AMOT: variants seen among roughly 807,000 people sequenced by gnomAD.
AMOT encodes the protein angiomotin.
Under a neutral mutation model 67.0 loss-of-function variants are expected in AMOT, and 11 were observed. That is an observed-to-expected ratio of 0.16 (90% CI 0.10 to 0.27). The LOEUF is 0.27. Among genes scored for constraint, AMOT ranks in the 10% least tolerant of loss-of-function variants. The probability of loss-of-function intolerance (pLI) is 1.00; values close to 1 mark genes in which losing one functional copy is unlikely to be tolerated. For synonymous variants in AMOT, 326 were observed against 321.4 expected (o/e 1.01, Z -0.15); for missense variants, 753 against 852.0 (o/e 0.88, Z 1.45).
chrX:112,784,662 G>T (rs1454288246), intron 10 of AMOT, among the ~76,000 whole-genome samples: 2 of 112,278 alleles, frequency 1.8e-5, no homozygotes, highest in African/African-American at 6.5e-5. Flanking sequence ...CACATAGGTG[G>T]AAAGATGGAA....
chrX:112,832,341 C>G lies in AMOT; in HGVS notation c.-259G>C, dbSNP rs961483394. 1 of 112,023 alleles carries G rather than the reference C, an allele frequency of 8.9e-6. No homozygotes were observed. The highest frequency in any genetic ancestry group is 2.8e-4 in the East Asian group (1 of 3,573). The allele number at this position is 112,023 out of a possible 1,213,427, so 9.2% of individuals were successfully genotyped here. On this transcript the variant is annotated 5_prime_UTR_variant, in exon 2 of 14. Transcript: ENST00000371959. ...CTAAGGAGACAAAAGCTCTTTCACT[C>G]TGCTATCTTATTTGTCCTTCTTAGC... is the stretch of plus-strand genomic sequence containing the variant.
intron 8 of AMOT, among the ~76,000 whole-genome samples, chrX:112,792,945 G>A (rs1602767767): frequency 9.4e-6 from 1 of 105,861 alleles, no homozygotes; most frequent in Non-Finnish European, 1.9e-5. Context: ...AAAATAATGA[G>A]AAAGATCTCA....
intron 10 of AMOT, among the ~76,000 whole-genome samples, chrX:112,788,274 G>A (rs751577686): frequency 2.9e-5 from 3 of 104,348 alleles, no homozygotes; most frequent in African/African-American, 1.1e-4. Context: ...GGGCAACAGA[G>A]CGAGACTCCT....
At chrX:112,822,085 A>C (rs1569404426) in intron 4 of AMOT, among the ~76,000 whole-genome samples, 170 bp downstream of exon 4, 1 of 112,645 alleles carries the variant, frequency 8.9e-6, no homozygotes, top group Non-Finnish European at 1.9e-5. Flanking sequence ...ATTATGGCTA[A>C]AGAGGATACA....
chrX:112,787,327 G>A (rs1487909192), intron 10 of AMOT, among the ~76,000 whole-genome samples: 1 of 111,744 alleles, frequency 8.9e-6, no homozygotes, highest in Non-Finnish European at 1.9e-5. Flanking sequence ...TACATAAACT[G>A]TGATACATCC....
intron 7 of AMOT, among the ~76,000 whole-genome samples, chrX:112,807,556 T>C (rs765556126): frequency 2.8e-5 from 3 of 108,919 alleles, no homozygotes; most frequent in East Asian, 2.9e-4. Context: ...ATAAAAAAAG[T>C]AGACAGCATG....
intron 10 of AMOT, among the ~76,000 whole-genome samples, chrX:112,785,485 A>T (rs1392838310): frequency 8.9e-6 from 1 of 112,263 alleles, no homozygotes; most frequent in African/African-American, 3.2e-5. Context: ...GGGGAAAGGC[A>T]TGGATAAGAC....
chrX:112,825,392 C>A lies in AMOT; in HGVS notation c.-211-172G>T, dbSNP rs776804268. ...CATCTCCACTAGGGCAGAAAAGAAA[C>A]CTCAGTGTCCAGTAGCTGTGTCCGG... On this transcript the variant is annotated intron_variant, in intron 2 of 13. Transcript: ENST00000371959. Among the ~76,000 whole-genome samples the A allele has an allele frequency of 1.3e-4, 14 of 111,838 alleles. No homozygotes were observed. The South Asian group carries it at 5.3e-3, about 43-fold the overall frequency.
intron 4 of AMOT, among the ~76,000 whole-genome samples, chrX:112,819,010 G>A (rs1384422034): frequency 9.0e-6 from 1 of 111,144 alleles, no homozygotes; most frequent in Admixed American, 9.5e-5. Context: ...CATACATGCA[G>A]GACAAAGGCC....
At chrX:112,838,502 T>A (rs1340105812) in intron 1 of AMOT, among the ~76,000 whole-genome samples, 2 of 112,029 alleles carry the variant, frequency 1.8e-5, no homozygotes, top group Non-Finnish European at 3.8e-5. Context: ...GCCTTCTGAT[T>A]AGGCTATTCT....
At chrX:112,825,865 A>G (rs935952407) in intron 2 of AMOT, among the ~76,000 whole-genome samples, 3 of 109,181 alleles carry the variant, frequency 2.7e-5, no homozygotes, top group Non-Finnish European at 5.7e-5. Flanking sequence ...TGGAGCTTAC[A>G]CTCTGATCAT....
chrX:112,801,155 C>T (rs1446087531), intron 8 of AMOT, among the ~76,000 whole-genome samples: 1 of 111,726 alleles, frequency 9.0e-6, no homozygotes, highest in Non-Finnish European at 1.9e-5. Flanking sequence ...GAAGCCTGGG[C>T]TGCCCTGAGC....
At chrX:112,799,995 G>A (rs1456259290) in intron 8 of AMOT, among the ~76,000 whole-genome samples, 6 of 111,648 alleles carry the variant, frequency 5.4e-5, no homozygotes, top group Non-Finnish European at 1.1e-4. Flanking sequence ...CACTTTGGGA[G>A]GCCGAGGCGG....
chrX:112,783,219 C>T (rs964430090), intron 10 of AMOT, among the ~76,000 whole-genome samples: 11 of 105,935 alleles, frequency 1.0e-4, no homozygotes, highest in Admixed American at 8.2e-4. Flanking sequence ...CACTTGAACC[C>T]GGGAGGTGAA....
chrX:112,822,443 A>G lies in AMOT; in HGVS notation c.684T>C (p.His228=). Residue 228 remains histidine, a synonymous_variant, in exon 4 of 14, where the codon CAT becomes CAC. Coordinates refer to ENST00000371959, the MANE Select transcript of AMOT (RefSeq NM_001113490.2). ...YKAQGPLPNQ[H]SLKGMEHRGP... ...CTCGGTGTTCCATGCCCTTCAGGCT[A>G]TGCTGGTTAGGAAGTGGCCCTTGGG... The G allele has an allele frequency of 8.6e-7, 1 of 1,167,749 alleles. No homozygotes were observed.
At chrX:112,795,206 T>A (rs1933759861) in intron 8 of AMOT, among the ~76,000 whole-genome samples, 1 of 110,274 alleles carries the variant, frequency 9.1e-6, no homozygotes, top group Non-Finnish European at 1.9e-5. Flanking sequence ...TCTTTCTCTC[T>A]CTTTCATTCT....
intron 8 of AMOT, among the ~76,000 whole-genome samples, chrX:112,804,160 G>A (rs989486720): frequency 9.0e-6 from 1 of 111,570 alleles, no homozygotes; most frequent in Non-Finnish European, 1.9e-5. Context: ...ATGCTTAATA[G>A]TTTGGGGGCC....
At chrX:112,789,234 C>A (rs1337834985) in intron 10 of AMOT, among the ~76,000 whole-genome samples, 6 of 112,083 alleles carry the variant, frequency 5.4e-5, no homozygotes, top group Non-Finnish European at 9.4e-5. Context: ...GTGCTGGACA[C>A]AGGTGTTTCC....
chrX:112,778,490 C>A lies in AMOT; in HGVS notation c.*77G>T, dbSNP rs1264300769. The A allele has an allele frequency of 7.0e-6, 7 of 999,315 alleles. No homozygotes were observed. The highest frequency in any genetic ancestry group is 3.8e-5 in the African/African-American group (2 of 52,926). 82.4% of individuals were successfully genotyped at this position (999,315 alleles called of 1,213,427 possible). A position where few individuals can be genotyped will look rare whatever the true frequency, so the allele number is the denominator to read the frequency against. ...TCCCCACAACCCTTGTCCTCACCCT[C>A]AAAACAAGAACCAATAAAAGGGGGA... is the stretch of plus-strand genomic sequence containing the variant. On this transcript the variant is annotated 3_prime_UTR_variant, in exon 14 of 14. Transcript: ENST00000371959.
Sources: gnomAD v4.1 joint callset for allele counts (sites outside exome capture counted in the v4.1 genomes callset) on GRCh38, gnomAD v4.1.1 for gene constraint, MANE v1.5 for transcripts, NCBI Gene and HGNC (gene_info 2026-07-23, HGNC 2026-07-21) for gene names.